Variants in LRRTM4 observed in about 807,000 individuals in gnomAD.
LRRTM4 encodes leucine-rich repeat transmembrane neuronal protein 4.
A neutral mutation model predicts 47.6 loss-of-function variants in LRRTM4; 25 were observed. The ratio of observed to expected loss-of-function variants is 0.53; its 90% CI spans 0.38 to 0.73. LRRTM4 has a LOEUF of 0.73. Ranked by LOEUF, LRRTM4 falls within the 30% of genes least tolerant of loss-of-function variation. The probability of loss-of-function intolerance (pLI) is 0.00; values close to 1 mark genes in which losing one functional copy is unlikely to be tolerated. For missense variants in LRRTM4, 638 were observed against 713.4 expected (o/e 0.89, Z 1.20); for synonymous variants, 311 against 269.5 (o/e 1.15, Z -1.51).
At chr2:77,403,911 G>T (rs9808422) in intron 3 of LRRTM4, among the ~76,000 whole-genome samples, 4,171 of 147,554 alleles carry the variant, frequency 0.028, 73 homozygotes, top group South Asian at 0.065. Context: ...TTCATTGAGA[G>T]GCTTTTCTTT....
chr2:77,134,073 C>T (rs1212249861), intron 3 of LRRTM4, among the ~76,000 whole-genome samples: 2 of 152,040 alleles, frequency 1.3e-5, no homozygotes, highest in African/African-American at 4.8e-5. Context: ...TAACACAAAA[C>T]ACATCCATAT....
intron 3 of LRRTM4, among the ~76,000 whole-genome samples, chr2:76,906,349 C>T (rs1269402453): frequency 6.6e-6 from 1 of 152,034 alleles, no homozygotes; most frequent in East Asian, 1.9e-4. Flanking sequence ...GAAGGAAGCG[C>T]TAAACGTGGA....
At chr2:76,755,357 C>T (rs1432606068) in intron 3 of LRRTM4, among the ~76,000 whole-genome samples, 3 of 152,066 alleles carry the variant, frequency 2.0e-5, no homozygotes, top group Non-Finnish European at 4.4e-5. Context: ...ACCTTAAGCT[C>T]AAAAGTTAAC....
At chr2:76,788,100 C>A (rs188548389) in intron 3 of LRRTM4, among the ~76,000 whole-genome samples, 1 of 152,074 alleles carries the variant, frequency 6.6e-6, no homozygotes, top group Non-Finnish European at 1.5e-5. Flanking sequence ...ATTCTTGATT[C>A]TTAGTGCTCT....
chr2:77,484,093 G>C (rs1244901190), intron 3 of LRRTM4, among the ~76,000 whole-genome samples: 1 of 152,162 alleles, frequency 6.6e-6, no homozygotes, highest in Non-Finnish European at 1.5e-5. Flanking sequence ...ATTTATTTTA[G>C]TGGTTTGAGC....
intron 3 of LRRTM4, among the ~76,000 whole-genome samples, chr2:77,250,536 A>T (rs10198391): frequency 0.55 from 83,142 of 152,016 alleles, 23,102 homozygotes; most frequent in African/African-American, 0.6. Context: ...TGTAAATATA[A>T]TCATATACTA....
At chr2:77,401,664 G>A (rs147223835) in intron 3 of LRRTM4, among the ~76,000 whole-genome samples, 1 of 151,766 alleles carries the variant, frequency 6.6e-6, no homozygotes, top group South Asian at 2.1e-4. Flanking sequence ...AATAGCTACC[G>A]CCAGCCCTAA....
Position 76,782,975 on chromosome 2 carries a change from A to C in LRRTM4, c.1552-34059T>G, listed in dbSNP as rs1026318750. ...TTATTCAAAGATTGTAGATTTCTTA[A>C]AAATTCCTTTTAATCTTTATTCTTG... is the stretch of plus-strand genomic sequence containing the variant. On this transcript the variant is annotated intron_variant, in intron 3 of 3. Transcript: ENST00000409884. 3.9e-5 allele frequency among the ~76,000 whole-genome samples: 6 copies of C among 152,310 alleles called. No individual in the cohort carries two copies. In the South Asian group the frequency reaches 1.2e-3, roughly 32 times the overall value.
chr2:77,086,484 T>C (rs1490752097), intron 3 of LRRTM4, among the ~76,000 whole-genome samples: 1 of 151,178 alleles, frequency 6.6e-6, no homozygotes, highest in East Asian at 1.9e-4. Context: ...TAATTTTTTT[T>C]TTTTTTTTTT....
intron 3 of LRRTM4, among the ~76,000 whole-genome samples, chr2:76,963,802 G>A (rs1172873791): frequency 6.6e-6 from 1 of 150,634 alleles, no homozygotes; most frequent in African/African-American, 2.4e-5. Flanking sequence ...ATAGTAAGAA[G>A]TTTGTACCAT....
intron 3 of LRRTM4, among the ~76,000 whole-genome samples, chr2:77,076,751 G>A (rs936505584): frequency 3.3e-5 from 5 of 152,194 alleles, no homozygotes; most frequent in Middle Eastern, 3.4e-3. Context: ...TTTAAGTTGC[G>A]TGATTTTGAG....
chr2:77,345,048 T>G (rs2104284240), intron 3 of LRRTM4, among the ~76,000 whole-genome samples: 1 of 150,952 alleles, frequency 6.6e-6, no homozygotes, highest in South Asian at 2.1e-4. Flanking sequence ...CTGTAATTAA[T>G]TATACAAATA....
intron 3 of LRRTM4, among the ~76,000 whole-genome samples, chr2:77,069,876 GTCTTT>G (rs1270976845): frequency 6.6e-6 from 1 of 152,086 alleles, no homozygotes; most frequent in African/African-American, 2.4e-5. Context: ...CTTTTGGCTT[GTCTTT>G]TCTATCTGTT....
chr2:76,816,819 GTTTTTTTTTTTTTTTTTTTTTTTTTTTT>G (rs201525166), intron 3 of LRRTM4, among the ~76,000 whole-genome samples: 2 of 96,570 alleles, frequency 2.1e-5, no homozygotes, highest in Admixed American at 1.0e-4. Context: ...GAGGTAAAGA[GTTTTTTTTTTTTTTTTTTTTTTTTTTTT>G]TTTTTTTTTT....
At chr2:77,308,596 C>G (rs992162465) in intron 3 of LRRTM4, among the ~76,000 whole-genome samples, 15 of 151,896 alleles carry the variant, frequency 9.9e-5, no homozygotes, top group African/African-American at 3.4e-4. Flanking sequence ...GAGATAATGT[C>G]TCTTAATCCA....
intron 3 of LRRTM4, among the ~76,000 whole-genome samples, chr2:77,282,837 A>T (rs1159112285): frequency 6.6e-6 from 1 of 152,046 alleles, no homozygotes; most frequent in Non-Finnish European, 1.5e-5. Context: ...ATATGCAAAC[A>T]TTAACTCAAG....
intron 3 of LRRTM4, among the ~76,000 whole-genome samples, chr2:77,264,603 T>C (rs1676003466): frequency 6.6e-6 from 1 of 152,120 alleles, no homozygotes; most frequent in Non-Finnish European, 1.5e-5. Context: ...CCTCATTCAG[T>C]AGAAATAAAA....
At chr2:77,398,015 T>C (rs1176685925) in intron 3 of LRRTM4, among the ~76,000 whole-genome samples, 1 of 151,822 alleles carries the variant, frequency 6.6e-6, no homozygotes, top group African/African-American at 2.4e-5. Context: ...AATTCCTATA[T>C]GTCATCTACC....
intron 3 of LRRTM4, among the ~76,000 whole-genome samples, chr2:77,169,313 T>C (rs768856282): frequency 3.3e-5 from 5 of 152,180 alleles, no homozygotes; most frequent in African/African-American, 1.2e-4. Flanking sequence ...ATTATATATA[T>C]AGAAAATCTT....
Sources: allele counts gnomAD v4.1 joint callset (sites outside exome capture counted in the v4.1 genomes callset), GRCh38; gene constraint gnomAD v4.1.1; transcripts MANE v1.5; gene names NCBI Gene and HGNC (gene_info 2026-07-23, HGNC 2026-07-21).